CIMIP6: variants seen among roughly 807,000 people sequenced by gnomAD.
CIMIP6 encodes uncharacterized protein C2orf73.
the CIMIP6 span, among the ~76,000 whole-genome samples, chr2:54,375,394 G>T: frequency 1.3e-5 from 2 of 152,136 alleles, no homozygotes; most frequent in Non-Finnish European, 2.9e-5. Flanking sequence ...ATACTGTCAA[G>T]TAATTGCAAA....
At chr2:54,364,758 G>T in the CIMIP6 span, among the ~76,000 whole-genome samples, 1 of 152,096 alleles carries the variant, frequency 6.6e-6, no homozygotes, top group African/African-American at 2.4e-5. Flanking sequence ...CTGCATTTTG[G>T]GATTTAAAAT....
the CIMIP6 span, among the ~76,000 whole-genome samples, chr2:54,343,532 C>G: frequency 6.6e-6 from 1 of 152,162 alleles, no homozygotes; most frequent in Non-Finnish European, 1.5e-5. Context: ...TTTGACAACT[C>G]ATTTTCCAGT....
At chr2:54,383,699 C>CT in the CIMIP6 span, 1 of 127,024 alleles carries the variant, frequency 7.9e-6, no homozygotes, top group Non-Finnish European at 1.6e-5. Flanking sequence ...CTATTAGTTG[C>CT]TTTAAAAAAA....
the CIMIP6 span, among the ~76,000 whole-genome samples, chr2:54,382,688 C>A: frequency 1.3e-5 from 2 of 152,200 alleles, no homozygotes; most frequent in African/African-American, 2.4e-5. Context: ...ACCCCATATT[C>A]CATTCTCCTC....
the CIMIP6 span, among the ~76,000 whole-genome samples, chr2:54,336,802 G>T: frequency 6.6e-6 from 1 of 152,166 alleles, no homozygotes; most frequent in African/African-American, 2.4e-5. Context: ...AAGACCAGAG[G>T]GAGAGTGAGG....
chr2:54,376,583 T>G, the CIMIP6 span, among the ~76,000 whole-genome samples: 1 of 152,186 alleles, frequency 6.6e-6, no homozygotes, highest in East Asian at 1.9e-4. Flanking sequence ...TCCAGGCAAT[T>G]ATTCCCATGG....
At chr2:54,369,998 C>G in the CIMIP6 span, among the ~76,000 whole-genome samples, 1 of 152,140 alleles carries the variant, frequency 6.6e-6, no homozygotes, top group Non-Finnish European at 1.5e-5. Flanking sequence ...TGGCTCACAC[C>G]TGTAATTCTA....
the CIMIP6 span, among the ~76,000 whole-genome samples, chr2:54,364,255 C>T: frequency 6.6e-6 from 1 of 152,008 alleles, no homozygotes. Context: ...TGAATGTTTC[C>T]AAGTAGTTCC....
the CIMIP6 span, among the ~76,000 whole-genome samples, chr2:54,379,710 C>T: frequency 6.6e-6 from 1 of 151,850 alleles, no homozygotes; most frequent in Admixed American, 6.6e-5. Context: ...GGCATGGTGA[C>T]TCATGCCTAT....
the CIMIP6 span, among the ~76,000 whole-genome samples, chr2:54,382,892 G>A: frequency 1.3e-5 from 2 of 152,124 alleles, no homozygotes; most frequent in African/African-American, 4.8e-5. Context: ...TTCTGAGTGG[G>A]GGTTGGACAT....
chr2:54,331,135 C>A, the CIMIP6 span: 1 of 804,102 alleles, frequency 1.2e-6, no homozygotes, highest in Non-Finnish European at 2.0e-6. Context: ...TTCCAGTTGG[C>A]TGAGCGCTTA....
the CIMIP6 span, among the ~76,000 whole-genome samples, chr2:54,353,382 C>A: frequency 6.6e-5 from 10 of 151,924 alleles, no homozygotes; most frequent in Non-Finnish European, 1.5e-4. Flanking sequence ...AAAGACGAAC[C>A]CTGCAGGCCA....
At chr2:54,348,918 C>T in the CIMIP6 span, among the ~76,000 whole-genome samples, 1 of 152,190 alleles carries the variant, frequency 6.6e-6, no homozygotes, top group Non-Finnish European at 1.5e-5. Context: ...TTCCTGGCTG[C>T]CATCCACAGT....
chr2:54,360,625 T>C, the CIMIP6 span: 1 of 1,407,408 alleles, frequency 7.1e-7, no homozygotes, highest in South Asian at 1.6e-5. Context: ...ATCATCATCT[T>C]GGCCCTCACA....
chr2:54,335,010 G>C, the CIMIP6 span: 1 of 1,599,456 alleles, frequency 6.3e-7, no homozygotes, highest in African/African-American at 1.3e-5. Context: ...TCCCAAAAAA[G>C]GGCCAGAAAT....
the CIMIP6 span, among the ~76,000 whole-genome samples, chr2:54,376,341 T>C: frequency 2.6e-5 from 4 of 152,074 alleles, no homozygotes; most frequent in Non-Finnish European, 5.9e-5. Context: ...ATGCAAACAG[T>C]TGAAGAAAAA....
the CIMIP6 span, among the ~76,000 whole-genome samples, chr2:54,333,992 C>T: frequency 2.6e-5 from 4 of 152,180 alleles, no homozygotes; most frequent in Non-Finnish European, 5.9e-5. Flanking sequence ...TAAGATTAAA[C>T]GGTGCTACCT....
chr2:54,359,067 A>G, the CIMIP6 span: 3 of 1,468,738 alleles, frequency 2.0e-6, no homozygotes, highest in African/African-American at 1.4e-5. Context: ...GAGCCTCTCC[A>G]GGGAAAGGTG....
the CIMIP6 span, among the ~76,000 whole-genome samples, chr2:54,370,496 A>T: frequency 6.6e-6 from 1 of 152,140 alleles, no homozygotes; most frequent in African/African-American, 2.4e-5. Context: ...AGAACTTGCC[A>T]TACAGTTGAC....
Sources: gnomAD v4.1 joint callset for allele counts (sites outside exome capture counted in the v4.1 genomes callset) on GRCh38, gnomAD v4.1.1 for gene constraint, MANE v1.5 for transcripts, NCBI Gene and HGNC (gene_info 2026-07-23, HGNC 2026-07-21) for gene names.